The following PAK3 variants were observed in gnomAD, a reference collection of about 807,000 sequenced individuals.
PAK3 encodes the protein p21 (RAC1) activated kinase 3.
A neutral mutation model predicts 41.0 loss-of-function variants in PAK3; 4 were observed. That is an observed-to-expected ratio of 0.10 (90% CI 0.05 to 0.22). The LOEUF (loss-of-function observed/expected upper bound fraction) is 0.22. Among genes scored for constraint, PAK3 ranks in the 10% least tolerant of loss-of-function variants. PAK3 has a pLI of 1.00. For missense variants in PAK3, 205 were observed against 409.9 expected, an observed-to-expected ratio of 0.50 and a Z score of 4.32; for synonymous variants, 146 against 139.6, an observed-to-expected ratio of 1.05 and a Z score of -0.32.
At chrX:111,078,649 A>C (rs1591691) in intron 1 of PAK3, among the ~76,000 whole-genome samples, 1 of 109,331 alleles carries the variant, frequency 9.1e-6, no homozygotes, top group Non-Finnish European at 1.9e-5. Context: ...ACCCCAAAAC[A>C]GTCTCTAAGC....
At chrX:111,206,248 C>G (rs1220512599) in intron 16 of PAK3, among the ~76,000 whole-genome samples, 2 of 111,411 alleles carry the variant, frequency 1.8e-5, no homozygotes, top group African/African-American at 6.5e-5. Flanking sequence ...CTTCTTGCCT[C>G]TACCTTTTGC....
At chrX:110,977,316 G>A (rs895713472) in intron 1 of PAK3, among the ~76,000 whole-genome samples, 4 of 110,884 alleles carry the variant, frequency 3.6e-5, no homozygotes, top group Admixed American at 9.6e-5. Flanking sequence ...ATATTGGGAA[G>A]TATTAGTCCT....
At chrX:111,188,249 G>A (rs1307698925) in intron 11 of PAK3, among the ~76,000 whole-genome samples, 1 of 109,486 alleles carries the variant, frequency 9.1e-6, no homozygotes, top group Non-Finnish European at 1.9e-5. Flanking sequence ...CTCTGAAAAT[G>A]TTAAACATGA....
chrX:111,027,326 C>T (rs1220759320), intron 1 of PAK3, among the ~76,000 whole-genome samples: 2 of 111,524 alleles, frequency 1.8e-5, no homozygotes, highest in Non-Finnish European at 3.8e-5. Context: ...TGGGACTTAA[C>T]TCAACTAAAA....
intron 1 of PAK3, among the ~76,000 whole-genome samples, chrX:110,968,900 TACCAGC>T (rs943280944): frequency 4.5e-5 from 5 of 109,941 alleles, no homozygotes; most frequent in African/African-American, 1.7e-4. Context: ...AAGAACTCCT[TACCAGC>T]CCTGGGTTTC....
chrX:111,163,444 T>TGAG, intron 9 of PAK3, 118 bp from the exon 10 acceptor site: 1 of 266,587 alleles, frequency 3.8e-6, no homozygotes, highest in South Asian at 7.3e-5. Flanking sequence ...CTCAAAGTCC[T>TGAG]TTTTTTTTTT....
At chrX:111,060,124 A>AT (rs763683331) in intron 1 of PAK3, among the ~76,000 whole-genome samples, 7 of 110,884 alleles carry the variant, frequency 6.3e-5, no homozygotes, top group South Asian at 7.7e-4. Context: ...TGTTTGTTGA[A>AT]TTTTTTTTAT....
Position 111,075,715 on chromosome X carries a change from T to C in PAK3, c.-27-47362T>C, listed in dbSNP as rs768931949. Among the ~76,000 whole-genome samples the C allele has an allele frequency of 1.7e-4, 19 of 112,439 alleles. No individual in the cohort carries two copies. In the South Asian group the frequency reaches 7.1e-3, roughly 42 times the overall value. ...GGTGGAGCTGTAGGAAGGGGGTTGC[T>C]GCCCTCCATACACAAGAATAGTTGA... On this transcript the variant is annotated intron_variant, in intron 1 of 14. Coordinates refer to the PAK3 transcript ENST00000425146.
chrX:111,045,992 A>T (rs1248357020), intron 1 of PAK3, among the ~76,000 whole-genome samples: 1 of 111,548 alleles, frequency 9.0e-6, no homozygotes. Flanking sequence ...TCATTTACTG[A>T]TCTAAGTTTC....
intron 10 of PAK3, among the ~76,000 whole-genome samples, chrX:111,165,054 G>A (rs2094238567): frequency 9.0e-6 from 1 of 111,202 alleles, no homozygotes; most frequent in Admixed American, 9.6e-5. Context: ...TAGAGGCTAA[G>A]GATGCTTCTA....
At chrX:111,211,688 A>AAAAAG (rs1556320436) in intron 16 of PAK3, among the ~76,000 whole-genome samples, 1 of 109,342 alleles carries the variant, frequency 9.1e-6, no homozygotes, top group African/African-American at 3.3e-5. Flanking sequence ...AAAAAAAAAA[A>AAAAAG]AAAGAAAGAA....
intron 16 of PAK3, among the ~76,000 whole-genome samples, chrX:111,207,073 C>CGTGTGT (rs367846225): frequency 0.026 from 2,522 of 97,323 alleles, 88 homozygotes; most frequent in African/African-American, 0.091. Flanking sequence ...TAGATATATA[C>CGTGTGT]GTGTGTGTGT....
At chrX:111,069,546 T>C (rs1347210150) in intron 1 of PAK3, among the ~76,000 whole-genome samples, 1 of 111,111 alleles carries the variant, frequency 9.0e-6, no homozygotes, top group Non-Finnish European at 1.9e-5. Flanking sequence ...TATGTATTTG[T>C]CTTGCTTAGC....
chrX:111,033,399 C>G (rs888015347), intron 1 of PAK3, among the ~76,000 whole-genome samples: 2 of 112,198 alleles, frequency 1.8e-5, no homozygotes, highest in Middle Eastern at 4.2e-3. Flanking sequence ...GTCAGGTATC[C>G]TTTGCCTCAC....
At chrX:111,098,070 AG>A (rs1237553391) in intron 3 of PAK3, among the ~76,000 whole-genome samples, 4 of 110,926 alleles carry the variant, frequency 3.6e-5, no homozygotes, top group Non-Finnish European at 7.6e-5. Context: ...GTTATAAGCT[AG>A]GGGACACAGG....
intron 3 of PAK3, among the ~76,000 whole-genome samples, chrX:111,101,168 T>C (rs1169907783): frequency 8.9e-6 from 1 of 112,195 alleles, no homozygotes. Flanking sequence ...AATACATGCA[T>C]GTCATGGTAG....
intron 1 of PAK3, among the ~76,000 whole-genome samples, chrX:111,009,783 C>A (rs572115652): frequency 1.8e-5 from 2 of 112,101 alleles, no homozygotes; most frequent in African/African-American, 6.5e-5. Flanking sequence ...CCAAGCACTG[C>A]GCTAAATGTG....
chrX:111,048,651 T>G (rs2092525216), intron 1 of PAK3, among the ~76,000 whole-genome samples: 1 of 111,709 alleles, frequency 9.0e-6, no homozygotes, highest in Non-Finnish European at 1.9e-5. Context: ...ACACATCCTC[T>G]TCATCTATCT....
Position 110,945,028 on chromosome X carries a change from A to T in PAK3, c.-28+400A>T, listed in dbSNP as rs189348282. Among the ~76,000 whole-genome samples, 157 of 112,412 alleles carry T rather than the reference A, an allele frequency of 1.4e-3. 1 individual carries two copies. The highest frequency in any genetic ancestry group is 4.8e-3 in the African/African-American group (148 of 30,963). ...GGGCTTTGTTACATACAACAAAACCAGTCCTCCTCAGCTTCCAGCTCCAGG... is the reference window on the plus strand; with the variant it reads ...GGGCTTTGTTACATACAACAAAACCTGTCCTCCTCAGCTTCCAGCTCCAGG... On this transcript the variant is annotated intron_variant, in intron 1 of 14. Transcript: ENST00000425146.
Sources: allele counts gnomAD v4.1 joint callset (sites outside exome capture counted in the v4.1 genomes callset), GRCh38; gene constraint gnomAD v4.1.1; transcripts MANE v1.5; gene names NCBI Gene and HGNC (gene_info 2026-07-23, HGNC 2026-07-21).